Variants in ADAMTS12 observed in about 807,000 individuals in gnomAD.
The protein encoded by ADAMTS12 is A disintegrin and metalloproteinase with thrombospondin motifs 12.
ADAMTS12 carries 118 observed loss-of-function variants against 167.8 expected under a neutral mutation model. The ratio of observed to expected loss-of-function variants is 0.70; its 90% CI spans 0.61 to 0.82. The LOEUF is 0.82. ADAMTS12 is among the 40% of genes least tolerant of loss of function. The pLI is 0.00. For synonymous variants in ADAMTS12, 704 were observed against 716.9 expected (o/e 0.98, Z 0.29); for missense variants, 1,916 against 1,998.8 (o/e 0.96, Z 0.79).
intron 3 of ADAMTS12, among the ~76,000 whole-genome samples, chr5:33,689,412 CAAA>C (rs56858878): frequency 0.045 from 6,704 of 148,452 alleles, 311 homozygotes; most frequent in East Asian, 0.17. Context: ...AGGATCAACT[CAAA>C]AAAAAAAAAT....
intron 2 of ADAMTS12, among the ~76,000 whole-genome samples, chr5:33,849,434 A>ATATATATGTATT (rs1232342230): frequency 1.5e-5 from 2 of 129,572 alleles, no homozygotes; most frequent in South Asian, 2.9e-4. Context: ...TGTATTGAAT[A>ATATATATGTATT]GCAATATATA....
chr5:33,611,730 C>G (rs1372318923), intron 16 of ADAMTS12, among the ~76,000 whole-genome samples: 2 of 152,088 alleles, frequency 1.3e-5, no homozygotes, highest in Admixed American at 1.3e-4. Context: ...TTTACTTTAT[C>G]TTTTCAGCAA....
intron 22 of ADAMTS12, among the ~76,000 whole-genome samples, chr5:33,536,121 AAG>A (rs1460163649): frequency 3.3e-5 from 5 of 152,222 alleles, no homozygotes; most frequent in African/African-American, 1.2e-4. Context: ...AAAATATATA[AAG>A]CACAAAATAT....
Position 33,694,119 on chromosome 5 carries a change from C to A in ADAMTS12, c.635-10064G>T, listed in dbSNP as rs556583494. Among the ~76,000 whole-genome samples, 39 of 152,180 alleles carry A rather than the reference C, an allele frequency of 2.6e-4. No individual in the cohort carries two copies. In the South Asian group the frequency reaches 7.7e-3, roughly 30 times the overall value. ...CCAGGCAGGTGAAAGATCTCTACAA[C>A]AAGAATTACAAAATACTGCTCAAAG... On this transcript the variant is annotated intron_variant, in intron 3 of 23. Transcript: ENST00000504830.
At chr5:33,702,060 A>G (rs1012937913) in intron 3 of ADAMTS12, among the ~76,000 whole-genome samples, 5 of 152,146 alleles carry the variant, frequency 3.3e-5, no homozygotes, top group African/African-American at 1.2e-4. Flanking sequence ...GCTAAAAACT[A>G]AAGTCTCCAA....
At chr5:33,567,175 C>T (rs1377398601) in intron 19 of ADAMTS12, among the ~76,000 whole-genome samples, 2 of 152,190 alleles carry the variant, frequency 1.3e-5, no homozygotes, top group Non-Finnish European at 2.9e-5. Flanking sequence ...ACACACATGT[C>T]ATTCATATTT....
intron 17 of ADAMTS12, among the ~76,000 whole-genome samples, chr5:33,595,304 T>C (rs1030595699): frequency 6.6e-6 from 1 of 152,220 alleles, no homozygotes; most frequent in African/African-American, 2.4e-5. Flanking sequence ...CAACTGAGGA[T>C]GATTTTACCC....
At chr5:33,695,183 C>T (rs1561218943) in intron 3 of ADAMTS12, among the ~76,000 whole-genome samples, 1 of 152,178 alleles carries the variant, frequency 6.6e-6, no homozygotes, top group African/African-American at 2.4e-5. Context: ...TCTAATTCCT[C>T]TTGTTTTCAG....
At chr5:33,721,716 T>C (rs1282696253) in intron 3 of ADAMTS12, among the ~76,000 whole-genome samples, 1 of 152,146 alleles carries the variant, frequency 6.6e-6, no homozygotes, top group Non-Finnish European at 1.5e-5. Context: ...TGAGTTGGAG[T>C]TGGATTTATC....
intron 15 of ADAMTS12, among the ~76,000 whole-genome samples, chr5:33,615,020 C>G (rs922377052): frequency 3.9e-5 from 6 of 152,176 alleles, no homozygotes; most frequent in African/African-American, 1.4e-4. Flanking sequence ...CTTAGGTATG[C>G]TGCTCTTGGG....
intron 3 of ADAMTS12, among the ~76,000 whole-genome samples, chr5:33,746,218 C>T (rs563734714): frequency 6.6e-6 from 1 of 152,264 alleles, no homozygotes; most frequent in Admixed American, 6.5e-5. Flanking sequence ...TCCAATAGTA[C>T]CATCTACTGA....
At chr5:33,790,990 C>T (rs9292514) in intron 2 of ADAMTS12, among the ~76,000 whole-genome samples, 2 of 151,574 alleles carry the variant, frequency 1.3e-5, no homozygotes, top group Non-Finnish European at 2.9e-5. Flanking sequence ...CATGGTGATT[C>T]CCAGTCCCTC....
At chr5:33,867,177 C>A (rs1749854877) in intron 2 of ADAMTS12, among the ~76,000 whole-genome samples, 1 of 152,150 alleles carries the variant, frequency 6.6e-6, no homozygotes, top group Non-Finnish European at 1.5e-5. Context: ...TATTGCAGCA[C>A]AATCCACAAT....
chr5:33,588,664 T>C lies in ADAMTS12; in HGVS notation c.2800A>G (p.Thr934Ala). ...TDCQHLLKPK[T>A]LLSCNRDILC... Reference sequence around the variant, plus strand: ...ATGTCTCTGTTGCAGGAAAGGAGGGTCTTGGGCTTCAGCAGGTGCTGGCAG... The same window carrying C: ...ATGTCTCTGTTGCAGGAAAGGAGGGCCTTGGGCTTCAGCAGGTGCTGGCAG... The change falls in exon 18 of 24, where the codon ACC (threonine) becomes GCC (alanine). Residue 934 changes from threonine to alanine, a missense_variant. Thr to Ala is a moderately conservative substitution (Grantham distance 58). Coordinates refer to ENST00000504830, the MANE Select transcript of ADAMTS12 (RefSeq NM_030955.4). 1 of 1,613,338 alleles carries C rather than the reference T, an allele frequency of 6.2e-7. No homozygotes were observed. Among genetic ancestry groups the C allele is most frequent in the Non-Finnish European group, 8.5e-7 (1 of 1,179,824 alleles).
chr5:33,788,638 GA>G (rs1271382310), intron 2 of ADAMTS12, among the ~76,000 whole-genome samples: 1 of 152,174 alleles, frequency 6.6e-6, no homozygotes, highest in Admixed American at 6.5e-5. Context: ...GGTGCACCAG[GA>G]AGCTATTTTG....
At chr5:33,739,255 T>TCACACACACATAAA (rs1224482303) in intron 3 of ADAMTS12, among the ~76,000 whole-genome samples, 5 of 151,914 alleles carry the variant, frequency 3.3e-5, no homozygotes, top group Non-Finnish European at 5.9e-5. Context: ...ACACACTCCT[T>TCACACACACATAAA]CACACACACA....
At chr5:33,633,148 C>T (rs1740027428) in intron 12 of ADAMTS12, among the ~76,000 whole-genome samples, 1 of 148,598 alleles carries the variant, frequency 6.7e-6, no homozygotes, top group Admixed American at 6.8e-5. Context: ...CTGTTTCATT[C>T]TACTATATGC....
At chr5:33,550,893 T>A (rs1745226190) in intron 20 of ADAMTS12, among the ~76,000 whole-genome samples, 1 of 152,032 alleles carries the variant, frequency 6.6e-6, no homozygotes, top group Non-Finnish European at 1.5e-5. Flanking sequence ...AACATTGAAT[T>A]ATGAGAAAAT....
intron 11 of ADAMTS12, 144 bp downstream of exon 11, chr5:33,641,666 T>A: frequency 1.2e-6 from 1 of 810,990 alleles, no homozygotes; most frequent in Non-Finnish European, 1.7e-6. Flanking sequence ...TCTCTGTGAA[T>A]CTTCTTGTTC....
Sources: allele counts gnomAD v4.1 joint callset (sites outside exome capture counted in the v4.1 genomes callset), GRCh38; gene constraint gnomAD v4.1.1; transcripts MANE v1.5; gene names NCBI Gene and HGNC (gene_info 2026-07-23, HGNC 2026-07-21).